The following KYNU variants were observed in gnomAD, a reference collection of about 807,000 sequenced individuals.
KYNU encodes the protein kynureninase.
In KYNU, 54 loss-of-function variants were observed where a neutral mutation model predicts 59.2. The ratio of observed to expected loss-of-function variants is 0.91; its 90% CI spans 0.73 to 1.14. The LOEUF (loss-of-function observed/expected upper bound fraction) is 1.14. Among genes scored for constraint, KYNU ranks in the 50% most tolerant of loss-of-function variants. The probability of loss-of-function intolerance (pLI) is 0.00; values close to 1 mark genes in which losing one functional copy is unlikely to be tolerated. For synonymous variants in KYNU, 177 were observed against 192.0 expected, an observed-to-expected ratio of 0.92 and a Z score of 0.65; for missense variants, 567 against 554.4, an observed-to-expected ratio of 1.02 and a Z score of -0.23.
chr2:143,001,196 A>G (rs1685700773), intron 10 of KYNU, among the ~76,000 whole-genome samples: 1 of 152,078 alleles, frequency 6.6e-6, no homozygotes. Flanking sequence ...AAAGGCATGA[A>G]CACTAGGAGG....
At chr2:142,983,884 G>A (rs888352946) in intron 8 of KYNU, among the ~76,000 whole-genome samples, 2 of 151,996 alleles carry the variant, frequency 1.3e-5, no homozygotes, top group Admixed American at 1.3e-4. Context: ...ATAAAAGACA[G>A]CTGGTTTTTT....
intron 1 of KYNU, among the ~76,000 whole-genome samples, chr2:142,882,499 G>T (rs1237181511): frequency 1.3e-5 from 2 of 151,966 alleles, no homozygotes; most frequent in Admixed American, 6.6e-5. Flanking sequence ...TCCACGACAG[G>T]CTCCGGTGTG....
rs34071455 is a variant in KYNU, at chr2:142,977,114, A to G, written c.730-7970A>G. Among the ~76,000 whole-genome samples, 4 of 152,084 alleles carry G rather than the reference A, an allele frequency of 2.6e-5. No homozygotes were observed. The East Asian group carries it at 5.8e-4, about 22-fold the overall frequency. On this transcript the variant is annotated intron_variant, in intron 8 of 13. Coordinates refer to ENST00000264170, the MANE Select transcript of KYNU (RefSeq NM_003937.3). Reference sequence around the variant, plus strand: ...TGTGTTGATGTTAATGTTGGAAAGCATAATGAAGTATGTCCATCCCCTCTT... The same window carrying G: ...TGTGTTGATGTTAATGTTGGAAAGCGTAATGAAGTATGTCCATCCCCTCTT...
intron 4 of KYNU, among the ~76,000 whole-genome samples, chr2:142,943,624 C>T (rs351689): frequency 0.093 from 14,128 of 152,088 alleles, 1,550 homozygotes; most frequent in African/African-American, 0.25. Flanking sequence ...TTACTTCTCC[C>T]TGGATAGATA....
In KYNU at chr2:143,042,182, C is replaced by A. The variant is rs767563745; in HGVS notation, c.*10C>A. ...AGAAACAAAAAATTAGCAGTGTTTT[C>A]TAGAACAACTTAAGCAAATTATACT... is the stretch of plus-strand genomic sequence containing the variant. On this transcript the variant is annotated 3_prime_UTR_variant, in exon 14 of 14. Coordinates refer to ENST00000264170, the MANE Select transcript of KYNU (RefSeq NM_003937.3). 2 of 1,606,812 alleles carry A rather than the reference C, an allele frequency of 1.2e-6. No homozygotes were observed. Among genetic ancestry groups the A allele is most frequent in the Non-Finnish European group, 1.7e-6 (2 of 1,177,422 alleles).
intron 10 of KYNU, among the ~76,000 whole-genome samples, chr2:142,994,708 C>T (rs1469232387): frequency 6.6e-6 from 1 of 151,962 alleles, no homozygotes. Flanking sequence ...TCTTTGAGTC[C>T]TGGGACATTG....
At position 142,986,022 on chromosome 2, in the gene KYNU, G is replaced by A. The variant is rs754953201; in HGVS notation, c.902+1G>A. 2.9e-5 allele frequency: 47 copies of A among 1,603,798 alleles called. No homozygotes were observed. The highest frequency in any genetic ancestry group is 9.4e-5 in the African/African-American group (7 of 74,578). On this transcript the variant is annotated splice_donor_variant, in intron 10 of 13. Coordinates refer to ENST00000264170, the MANE Select transcript of KYNU (RefSeq NM_003937.3). LOFTEE classifies it high-confidence loss of function. ...AGCATGCCCATACGATTAAACCTGC[G>A]TGAGTACCATCTTCAGCTAATTCTT...
In KYNU at chr2:142,879,294, G is replaced by T. The variant is rs139830663; in HGVS notation, c.-20+1558G>T. The stretch of plus-strand genomic sequence containing the variant: ...GTTGTGCAAGTGGTGGAGTAGGGCA[G>T]GGTGCAGTCATTTGGAAGACTATGC... On this transcript the variant is annotated intron_variant, in intron 1 of 13. Coordinates refer to ENST00000264170, the MANE Select transcript of KYNU (RefSeq NM_003937.3). 3.1e-4 allele frequency among the ~76,000 whole-genome samples: 47 copies of T among 152,300 alleles called. No homozygotes were observed. In the East Asian group the frequency reaches 9.1e-3, roughly 29 times the overall value.
chr2:142,951,172 G>A (rs557117301), intron 4 of KYNU, among the ~76,000 whole-genome samples: 89 of 152,182 alleles, frequency 5.8e-4, no homozygotes, highest in Non-Finnish European at 1.2e-3. Context: ...AGAGACATGA[G>A]GTGAGCACAT....
At chr2:142,877,873 T>G (rs1681150871) in intron 1 of KYNU, 137 bp downstream of exon 1, 2 of 152,158 alleles carry the variant, frequency 1.3e-5, no homozygotes, top group African/African-American at 4.8e-5. Context: ...TTTTTTTATA[T>G]ATATTCTTTT....
At chr2:142,947,395 C>T in intron 4 of KYNU, 1 of 660,208 alleles carries the variant, frequency 1.5e-6, no homozygotes, top group Non-Finnish European at 2.5e-6. Context: ...TAGTTGAAGA[C>T]ATCGGAATAA....
intron 1 of KYNU, among the ~76,000 whole-genome samples, chr2:142,882,852 G>A (rs955183747): frequency 1.3e-5 from 2 of 152,088 alleles, no homozygotes; most frequent in African/African-American, 2.4e-5. Context: ...TGCAGTAATG[G>A]GATTGCTGGG....
chr2:142,897,989 C>G (rs562857393), intron 2 of KYNU, among the ~76,000 whole-genome samples: 4 of 152,246 alleles, frequency 2.6e-5, no homozygotes, highest in Non-Finnish European at 5.9e-5. Flanking sequence ...GCAGCCTCAA[C>G]TTCCTGGACT....
chr2:142,883,290 G>A (rs983559358), intron 1 of KYNU, among the ~76,000 whole-genome samples: 2 of 142,722 alleles, frequency 1.4e-5, no homozygotes, highest in Admixed American at 1.5e-4. Flanking sequence ...ACCCCCCGGG[G>A]TTCACGCCAT....
intron 8 of KYNU, chr2:142,971,322 G>T (rs1406459052): frequency 6.6e-6 from 1 of 152,086 alleles, no homozygotes; most frequent in African/African-American, 2.4e-5. Context: ...GTGTGTGTGT[G>T]TGTGTGTGTG....
chr2:142,926,504 A>G (rs1395243445), intron 3 of KYNU, among the ~76,000 whole-genome samples: 1 of 152,248 alleles, frequency 6.6e-6, no homozygotes, highest in Non-Finnish European at 1.5e-5. Flanking sequence ...GAGTTTTCAC[A>G]AAAGCAGTGT....
chr2:143,016,947 G>T (rs148488427), intron 10 of KYNU, among the ~76,000 whole-genome samples: 29 of 152,136 alleles, frequency 1.9e-4, no homozygotes, highest in African/African-American at 6.7e-4. Context: ...TTATGTCCAC[G>T]TTCCCATCTT....
intron 1 of KYNU, chr2:142,881,569 T>C (rs143044102): frequency 3.9e-5 from 6 of 152,318 alleles, no homozygotes; most frequent in African/African-American, 1.4e-4. Context: ...TCTAGAGCTT[T>C]AGTTCTGTGT....
chr2:143,047,886 T>C lies in KYNU; in HGVS notation c.*5714T>C, dbSNP rs1687193026. The C allele has an allele frequency of 7.9e-6, 1 of 127,264 alleles. No homozygotes were observed. Among genetic ancestry groups the C allele is most frequent in the South Asian group, 2.5e-4 (1 of 3,922 alleles). The allele number at this position is 127,264 out of a possible 1,614,324, so 7.9% of individuals were successfully genotyped here. On this transcript the variant is annotated 3_prime_UTR_variant, in exon 14 of 14. Coordinates refer to ENST00000264170, the MANE Select transcript of KYNU (RefSeq NM_003937.3). ...TTTTTTTTTTTTTTTTTTGAGGCAG[T>C]CTCTCTCTGTCACCCAGGCTGGAGT... is the stretch of plus-strand genomic sequence containing the variant.
Sources: gnomAD v4.1 joint callset for allele counts (sites outside exome capture counted in the v4.1 genomes callset) on GRCh38, gnomAD v4.1.1 for gene constraint, MANE v1.5 for transcripts, NCBI Gene and HGNC (gene_info 2026-07-23, HGNC 2026-07-21) for gene names.